Variants in PPP2R2C observed in about 807,000 individuals in gnomAD.
PPP2R2C encodes the protein protein phosphatase 2 regulatory subunit Bgamma.
A neutral mutation model predicts 45.3 loss-of-function variants in PPP2R2C; 10 were observed. The observed-to-expected ratio is 0.22, with a 90% CI of 0.14 to 0.37. The LOEUF (loss-of-function observed/expected upper bound fraction) is 0.37, where lower values mean the gene tolerates loss of function less well. Ranked by LOEUF, PPP2R2C falls within the 10% of genes least tolerant of loss-of-function variation. The probability of loss-of-function intolerance (pLI) is 1.00; values close to 1 mark genes in which losing one functional copy is unlikely to be tolerated. For synonymous variants in PPP2R2C, 257 were observed against 245.4 expected (o/e 1.05, Z -0.44); for missense variants, 308 against 619.7 (o/e 0.50, Z 5.34).
chr4:6,346,814 A>G (rs1253731876), intron 6 of PPP2R2C, among the ~76,000 whole-genome samples: 1 of 152,112 alleles, frequency 6.6e-6, no homozygotes, highest in African/African-American at 2.4e-5. Flanking sequence ...TCGCTCCCAA[A>G]CAGCCCTCTG....
At chr4:6,347,755 A>C in intron 6 of PPP2R2C, 91 bp downstream of exon 6, 3 of 1,438,566 alleles carry the variant, frequency 2.1e-6, no homozygotes, top group Non-Finnish European at 2.8e-6. Context: ...TCCCACACCC[A>C]CCACCCCTGC....
At chr4:6,492,769 C>G (rs557133381) in intron 2 of PPP2R2C, among the ~76,000 whole-genome samples, 3 of 152,278 alleles carry the variant, frequency 2.0e-5, no homozygotes, top group Non-Finnish European at 4.4e-5. Flanking sequence ...AGAGAGGAGA[C>G]CTGGGGTTTG....
At chr4:6,472,107 G>C (rs1289233066) in intron 1 of PPP2R2C, 53 bp downstream of exon 1, 6 of 1,609,434 alleles carry the variant, frequency 3.7e-6, no homozygotes, top group Admixed American at 1.7e-5. Context: ...TCGGTGCGAC[G>C]GCATCCCCAC....
Position 6,368,532 on chromosome 4 carries a change from G to A in PPP2R2C, c.625+3991C>T, listed in dbSNP as rs1273176890. 6.6e-6 allele frequency among the ~76,000 whole-genome samples: 1 copy of A among 152,146 alleles called. No homozygotes were observed. Among genetic ancestry groups the A allele is most frequent in the African/African-American group, 2.4e-5 (1 of 41,430 alleles). On this transcript the variant is annotated intron_variant, in intron 5 of 8. Transcript: ENST00000382599. This position sits in a 1 kb window ranked among gnomAD's most constrained non-coding sequence, Gnocchi z 4.2. ...GGACAGGGCACAATCTGTGTGTTCG[G>A]GACGGGACAGGAGGCAAGGCTCACG... is the stretch of plus-strand genomic sequence containing the variant.
chr4:6,406,683 G>T (rs1266431113), intron 1 of PPP2R2C, among the ~76,000 whole-genome samples: 2 of 152,140 alleles, frequency 1.3e-5, no homozygotes, highest in African/African-American at 4.8e-5. Flanking sequence ...ATTGAACCTG[G>T]GAGGCGGAGG....
rs1418120290 is a variant in PPP2R2C, at chr4:6,369,595, A to G, written c.625+2928T>C. 4.6e-5 allele frequency among the ~76,000 whole-genome samples: 7 copies of G among 152,296 alleles called. No homozygotes were observed. In the South Asian group the frequency reaches 1.0e-3, roughly 23 times the overall value. ...GACTGGCATTCGGGGCCCCTACCCC[A>G]AGAGAAAGCCCCCTGCCTGCACCAT... On this transcript the variant is annotated intron_variant, in intron 5 of 8. Coordinates refer to ENST00000382599, the MANE Select transcript of PPP2R2C (RefSeq NM_020416.4).
chr4:6,516,996 A>C (rs1018933324), intron 2 of PPP2R2C, among the ~76,000 whole-genome samples: 2 of 152,200 alleles, frequency 1.3e-5, no homozygotes, highest in Non-Finnish European at 1.5e-5. Context: ...ATTTATAGAC[A>C]AGGCAGAGTT....
chr4:6,412,334 T>A (rs1198227898), intron 1 of PPP2R2C, among the ~76,000 whole-genome samples: 1 of 152,220 alleles, frequency 6.6e-6, no homozygotes, highest in Non-Finnish European at 1.5e-5. Context: ...TTCACCTTAC[T>A]GACCCCTCAA....
At chr4:6,340,038 C>T (rs1269054050) in intron 6 of PPP2R2C, among the ~76,000 whole-genome samples, 1 of 152,184 alleles carries the variant, frequency 6.6e-6, no homozygotes, top group East Asian at 1.9e-4. Context: ...ATCCCTGAGG[C>T]TGTACACAGT....
At chr4:6,339,554 T>A (rs1466235009) in intron 6 of PPP2R2C, among the ~76,000 whole-genome samples, 1 of 152,236 alleles carries the variant, frequency 6.6e-6, no homozygotes, top group South Asian at 2.1e-4. Context: ...CCCATCGTTG[T>A]CAGTGTGTGG....
At chr4:6,466,144 C>T (rs1185874925) in intron 1 of PPP2R2C, among the ~76,000 whole-genome samples, 1 of 152,232 alleles carries the variant, frequency 6.6e-6, no homozygotes, top group Non-Finnish European at 1.5e-5. Flanking sequence ...TGAGAAGGTG[C>T]ATGAGCTGTC....
chr4:6,558,567 A>G (rs1725486730), intron 1 of PPP2R2C, among the ~76,000 whole-genome samples: 2 of 152,088 alleles, frequency 1.3e-5, no homozygotes, highest in Admixed American at 1.3e-4. Context: ...AGCCTGATCA[A>G]CTCTGTGCTT....
intron 2 of PPP2R2C, among the ~76,000 whole-genome samples, chr4:6,530,704 C>CACTG (rs1724368245): frequency 6.6e-6 from 1 of 152,194 alleles, no homozygotes; most frequent in Admixed American, 6.5e-5. Context: ...GCCAAATGGA[C>CACTG]ACTGCCCCAT....
chr4:6,427,926 T>G (rs1292489708), intron 1 of PPP2R2C, among the ~76,000 whole-genome samples: 2 of 152,156 alleles, frequency 1.3e-5, no homozygotes, highest in South Asian at 2.1e-4. Flanking sequence ...AGCATCTCAG[T>G]TGATCCCCTA....
At chr4:6,399,823 A>T (rs1319442759) in intron 1 of PPP2R2C, among the ~76,000 whole-genome samples, 1 of 152,246 alleles carries the variant, frequency 6.6e-6, no homozygotes, top group African/African-American at 2.4e-5. Flanking sequence ...CAGCCGACAG[A>T]CAGTCAAATG....
chr4:6,328,376 T>C lies in PPP2R2C; in HGVS notation c.1052+886A>G, dbSNP rs1732123709. ...GGCATCCTGTCCTTGAGGAAGCAGCTGTAGGAGACACTGAGAGGCCACCTC... is the reference window on the plus strand; with the variant it reads ...GGCATCCTGTCCTTGAGGAAGCAGCCGTAGGAGACACTGAGAGGCCACCTC... On this transcript the variant is annotated intron_variant, in intron 8 of 8. Coordinates refer to ENST00000382599, the MANE Select transcript of PPP2R2C (RefSeq NM_020416.4). The surrounding 1 kb of genome is among the most constrained non-coding windows in gnomAD (Gnocchi z 4.4). Among the ~76,000 whole-genome samples the C allele has an allele frequency of 6.6e-6, 1 of 152,150 alleles. No individual in the cohort carries two copies. The highest frequency in any genetic ancestry group is 1.5e-5 in the Non-Finnish European group (1 of 68,010).
intron 1 of PPP2R2C, among the ~76,000 whole-genome samples, chr4:6,468,304 C>T (rs1721686958): frequency 6.6e-6 from 1 of 152,184 alleles, no homozygotes; most frequent in South Asian, 2.1e-4. Context: ...AGCCTCAGGA[C>T]CCCATGATGA....
chr4:6,337,889 A>G (rs1008702438), intron 6 of PPP2R2C, among the ~76,000 whole-genome samples: 1 of 152,182 alleles, frequency 6.6e-6, no homozygotes, highest in Non-Finnish European at 1.5e-5. Context: ...GATATTAATA[A>G]GCCTGAAAAA....
chr4:6,539,304 C>A (rs11732607), intron 1 of PPP2R2C, among the ~76,000 whole-genome samples: 27,705 of 152,120 alleles, frequency 0.18, 2,689 homozygotes, highest in Non-Finnish European at 0.23. Context: ...GAGGCTGGGA[C>A]AGATTCCCCC....
Sources: gnomAD v4.1 joint callset for allele counts (sites outside exome capture counted in the v4.1 genomes callset) on GRCh38, gnomAD v4.1.1 for gene constraint, Gnocchi (gnomAD v3.1) non-coding constraint, MANE v1.5 for transcripts, NCBI Gene and HGNC (gene_info 2026-07-23, HGNC 2026-07-21) for gene names.